Variants in AMD1 observed in about 807,000 individuals in gnomAD.
The protein encoded by AMD1 is S-adenosylmethionine decarboxylase proenzyme.
A neutral mutation model predicts 40.2 loss-of-function variants in AMD1; 11 were observed. The observed-to-expected ratio is 0.27, with a 90% CI of 0.17 to 0.45. The LOEUF (loss-of-function observed/expected upper bound fraction) is 0.45. AMD1 is among the 20% of genes least tolerant of loss of function. The pLI, the probability that AMD1 is intolerant of heterozygous loss-of-function variation, is 1.00. For missense variants in AMD1, 257 were observed against 410.2 expected (o/e 0.63, Z 3.23); for synonymous variants, 121 against 130.8 (o/e 0.93, Z 0.51).
the AMD1 span, among the ~76,000 whole-genome samples, chr6:110,838,800 A>G: frequency 1.3e-5 from 2 of 152,170 alleles, no homozygotes; most frequent in Non-Finnish European, 2.9e-5. Flanking sequence ...CTGAGGTTGC[A>G]GTGAGCTGAG....
the AMD1 span, among the ~76,000 whole-genome samples, chr6:110,845,659 C>T: frequency 3.3e-5 from 5 of 152,088 alleles, no homozygotes; most frequent in Non-Finnish European, 7.3e-5. Flanking sequence ...CTTATACCAG[C>T]GATTTGCCAG....
chr6:110,858,196 G>T, the AMD1 span: 1 of 684,542 alleles, frequency 1.5e-6, no homozygotes, highest in South Asian at 1.5e-5. Context: ...CTGCCAGGCC[G>T]TCTGTTTCGT....
the AMD1 span, among the ~76,000 whole-genome samples, chr6:110,845,352 G>T: frequency 6.6e-6 from 1 of 151,852 alleles, no homozygotes; most frequent in East Asian, 1.9e-4. Context: ...TGCCACAGAC[G>T]TTTAAACAAC....
chr6:110,857,746 A>G, the AMD1 span, among the ~76,000 whole-genome samples: 19 of 147,058 alleles, frequency 1.3e-4, no homozygotes, highest in South Asian at 4.0e-3. Flanking sequence ...ATATATATAG[A>G]TGGTATATAT....
the AMD1 span, among the ~76,000 whole-genome samples, chr6:110,836,589 T>G: frequency 6.6e-6 from 1 of 152,298 alleles, no homozygotes; most frequent in African/African-American, 2.4e-5. Flanking sequence ...CACAGGAAAC[T>G]TCTATGCTAA....
At chr6:110,869,978 G>A (rs962319622), upstream of AMD1, among the ~76,000 whole-genome samples, 3 of 151,290 alleles carry the variant, frequency 2.0e-5, no homozygotes, top group Admixed American at 2.0e-4. Flanking sequence ...TTGAACTCCT[G>A]GGCTTAAAGC....
At chr6:110,817,743 C>T in the AMD1 span, among the ~76,000 whole-genome samples, 1 of 152,062 alleles carries the variant, frequency 6.6e-6, no homozygotes, top group Non-Finnish European at 1.5e-5. Context: ...AACAAATATG[C>T]AAGCAAATTA....
chr6:110,840,749 TG>T, the AMD1 span, among the ~76,000 whole-genome samples: 2 of 25,394 alleles, frequency 7.9e-5, no homozygotes, highest in African/African-American at 3.2e-4. Flanking sequence ...CAGAAAGGGT[TG>T]GGGGGGTGGG....
the AMD1 span, chr6:110,858,321 C>T: frequency 2.3e-5 from 19 of 825,768 alleles, no homozygotes; most frequent in Non-Finnish European, 4.2e-6. Flanking sequence ...AAATATGACC[C>T]CCAGAAGGAG....
chr6:110,844,431 T>A, the AMD1 span, among the ~76,000 whole-genome samples: 2 of 151,736 alleles, frequency 1.3e-5, no homozygotes, highest in Admixed American at 6.6e-5. Flanking sequence ...GTGCTGGGAT[T>A]ATAGGCATGA....
chr6:110,845,161 C>T, the AMD1 span, among the ~76,000 whole-genome samples: 1 of 151,356 alleles, frequency 6.6e-6, no homozygotes, highest in African/African-American at 2.4e-5. Flanking sequence ...GCCTCAGCCT[C>T]CCAAGTAGCT....
rs199893344 is a variant in AMD1 at position 110,887,138 on chromosome 6, T to G, written c.111-367T>G. Among the ~76,000 whole-genome samples the G allele has an allele frequency of 3.3e-5, 5 of 152,174 alleles. 1 individual carries two copies. The East Asian group carries it at 9.6e-4, about 29-fold the overall frequency. On this transcript the variant is annotated intron_variant, in intron 1 of 8. Coordinates refer to ENST00000368885, the MANE Select transcript of AMD1 (RefSeq NM_001634.6). ...TTGGTAAAATTATGCTCTTCTTTTT[T>G]TTTAAGTGTTTCTTAAGGTTAAAAA...
chr6:110,876,908 A>G (rs150471982), intron 1 of AMD1, among the ~76,000 whole-genome samples: 12 of 152,364 alleles, frequency 7.9e-5, no homozygotes, highest in African/African-American at 2.9e-4. Flanking sequence ...CCCTTAAATA[A>G]TAGTAAGTAC....
chr6:110,845,657 A>T, the AMD1 span, among the ~76,000 whole-genome samples: 1 of 152,142 alleles, frequency 6.6e-6, no homozygotes, highest in Non-Finnish European at 1.5e-5. Flanking sequence ...GACTTATACC[A>T]GCGATTTGCC....
chr6:110,892,692 A>G (rs550287685), intron 6 of AMD1, 43 bp from the exon 7 acceptor site: 6 of 1,593,202 alleles, frequency 3.8e-6, no homozygotes, highest in South Asian at 3.3e-5. Context: ...ATTGAAGTTT[A>G]TTTGTCAAAC....
chr6:110,814,966 G>T, the AMD1 span: 1 of 1,596,850 alleles, frequency 6.3e-7, no homozygotes, highest in Non-Finnish European at 8.5e-7. Flanking sequence ...CGCGGGCAGG[G>T]CGAGGACCCG....
chr6:110,883,768 T>A (rs972492957), intron 1 of AMD1, among the ~76,000 whole-genome samples: 4 of 152,046 alleles, frequency 2.6e-5, no homozygotes, highest in African/African-American at 7.2e-5. Flanking sequence ...ATTTTTTTTT[T>A]TTTTATTTTT....
the AMD1 span, among the ~76,000 whole-genome samples, chr6:110,842,501 C>T: frequency 2.0e-5 from 3 of 152,168 alleles, no homozygotes; most frequent in Non-Finnish European, 4.4e-5. Flanking sequence ...GGAGAACCAA[C>T]ACAAATGCTG....
At chr6:110,857,419 C>G in the AMD1 span, among the ~76,000 whole-genome samples, 1 of 151,606 alleles carries the variant, frequency 6.6e-6, no homozygotes, top group Non-Finnish European at 1.5e-5. Flanking sequence ...ATAATCCCAG[C>G]TACTCGGGAG....
Sources: gnomAD v4.1 joint callset for allele counts (sites outside exome capture counted in the v4.1 genomes callset) on GRCh38, gnomAD v4.1.1 for gene constraint, MANE v1.5 for transcripts, NCBI Gene and HGNC (gene_info 2026-07-23, HGNC 2026-07-21) for gene names.